Variants in SPNS2 observed in about 807,000 individuals in gnomAD.
SPNS2 encodes sphingosine-1-phosphate transporter SPNS2.
In SPNS2, 37 loss-of-function variants were observed where a neutral mutation model predicts 57.6. That is an observed-to-expected ratio of 0.64 (90% CI 0.49 to 0.85). The LOEUF is 0.85. Ranked by LOEUF, SPNS2 falls within the 40% of genes least tolerant of loss-of-function variation. The pLI is 0.00. For synonymous variants in SPNS2, 440 were observed against 346.9 expected, an observed-to-expected ratio of 1.27 and a Z score of -2.98; for missense variants, 831 against 779.1, an observed-to-expected ratio of 1.07 and a Z score of -0.79.
intron 2 of SPNS2, among the ~76,000 whole-genome samples, chr17:4,515,726 G>A (rs28370529): frequency 0.038 from 5,788 of 152,352 alleles, 118 homozygotes; most frequent in Middle Eastern, 0.051. Flanking sequence ...GGTGGAGGGC[G>A]CCAGCCAGGT....
At chr17:4,536,790 C>CT (rs1334677100) in intron 11 of SPNS2, 110 bp from the exon 12 acceptor site, 18 of 905,076 alleles carry the variant, frequency 2.0e-5, no homozygotes, top group South Asian at 1.2e-4. Context: ...GACGAGGTCC[C>CT]TGCCCAGCAC....
At chr17:4,536,533 A>T (rs747256) in intron 11 of SPNS2, 107 bp downstream of exon 11, 7 of 1,321,630 alleles carry the variant, frequency 5.3e-6, no homozygotes, top group Non-Finnish European at 7.2e-6. Flanking sequence ...CAGACCTCCC[A>T]TGCACTCAGT....
intron 1 of SPNS2, among the ~76,000 whole-genome samples, chr17:4,505,765 A>T (rs2144307199): frequency 6.6e-6 from 1 of 152,248 alleles, no homozygotes; most frequent in East Asian, 1.9e-4. Flanking sequence ...CAAGAATCAA[A>T]CCTGGAACGA....
chr17:4,520,386 GA>G (rs1905108898), intron 2 of SPNS2, among the ~76,000 whole-genome samples: 1 of 152,190 alleles, frequency 6.6e-6, no homozygotes, highest in Non-Finnish European at 1.5e-5. Flanking sequence ...GGAGAGAATG[GA>G]GCATGATGGC....
At chr17:4,503,319 G>A (rs542662589) in intron 1 of SPNS2, among the ~76,000 whole-genome samples, 1 of 152,208 alleles carries the variant, frequency 6.6e-6, no homozygotes, top group Non-Finnish European at 1.5e-5. Context: ...CAGTTTAATT[G>A]AGCCAAGGCA....
chr17:4,520,641 T>C (rs1379263080), intron 2 of SPNS2, among the ~76,000 whole-genome samples: 1 of 152,196 alleles, frequency 6.6e-6, no homozygotes, highest in Non-Finnish European at 1.5e-5. Context: ...GTCTCCTTGC[T>C]GTCCTCAGCA....
chr17:4,516,343 A>C (rs1339907510), intron 2 of SPNS2, among the ~76,000 whole-genome samples: 38 of 134,068 alleles, frequency 2.8e-4, no homozygotes, highest in African/African-American at 7.7e-4. Flanking sequence ...AAAAAAAAAA[A>C]CAAAAAAACC....
rs148088156 is a variant in SPNS2 at position 4,536,436 on chromosome 17, G to GA, written c.1607+10_1607+11insA. 0.11 allele frequency: 174,373 copies of GA among 1,595,956 alleles called. 12,284 individuals carry two copies. The highest frequency in any genetic ancestry group is 0.37 in the East Asian group (16,599 of 44,816). On this transcript the variant is annotated intron_variant, in intron 11 of 12. Coordinates refer to ENST00000329078, the MANE Select transcript of SPNS2 (RefSeq NM_001124758.3). ...CCAGGGCTGAGCAGCAGTGAGTGGG[G>GA]GGGAGGGGAGGCCCTGCTGCACCGC...
rs780762809 is a variant in SPNS2 at position 4,510,281 on chromosome 17, G to A, written c.371-2966G>A. Among the ~76,000 whole-genome samples the A allele has an allele frequency of 5.3e-5, 8 of 152,230 alleles. No individual in the cohort carries two copies. The highest frequency in any genetic ancestry group is 7.3e-5 in the Non-Finnish European group (5 of 68,034). ...AGCTTGGACTTGGACCCAAGACTGG[G>A]CGCTGGGGAGTGGTGGGACGGGAGC... On this transcript the variant is annotated intron_variant, in intron 1 of 12. Coordinates refer to ENST00000329078, the MANE Select transcript of SPNS2 (RefSeq NM_001124758.3). This position sits in a 1 kb window ranked among gnomAD's most constrained non-coding sequence, Gnocchi z 4.4.
chr17:4,525,062 A>T lies in SPNS2; in HGVS notation c.442A>T (p.Ile148Phe). The change falls in exon 3 of 13, where the codon ATC becomes TTC. Residue 148 changes from isoleucine (I) to phenylalanine (F), a missense_variant. Physicochemically the swap from Ile to Phe is conservative, Grantham distance 21. Transcript: ENST00000329078. ...AAGCTCTCCTCTCCCTGCAGTGTTC[A>T]TCTGTAGCTTCATGGTGGCTGCCCC... The part of the protein sequence containing the change: ...RGAGLLQSVF[I>F]CSFMVAAPIF... The T allele has an allele frequency of 6.2e-7, 1 of 1,614,132 alleles. No individual in the cohort carries two copies. Among genetic ancestry groups the T allele is most frequent in the Non-Finnish European group, 8.5e-7 (1 of 1,179,998 alleles).
At chr17:4,522,841 C>T (rs1408257685) in intron 2 of SPNS2, among the ~76,000 whole-genome samples, 8 of 152,364 alleles carry the variant, frequency 5.3e-5, no homozygotes, top group African/African-American at 9.6e-5. Context: ...ACCTCCAAGG[C>T]CCCTCCCATC....
chr17:4,527,645 G>A (rs1905294822), intron 3 of SPNS2, among the ~76,000 whole-genome samples: 1 of 152,194 alleles, frequency 6.6e-6, no homozygotes, highest in Admixed American at 6.5e-5. Context: ...AAGAGACAGG[G>A]CTCAGCTTCT....
At position 4,499,200 on chromosome 17, in the gene SPNS2, G is replaced by A; in HGVS notation, c.153G>A (p.Ser51=). ...GARGAGGAGV[S]AAGDEVQTLS... is the part of the protein sequence containing the mutation. ...GGGGCGCGGGCGGCGCTGGAGTCTC[G>A]GCCGCGGGCGATGAGGTGCAGACGC... is the stretch of plus-strand genomic sequence containing the variant. The change falls in exon 1 of 13, where the codon TCG becomes TCA. Residue 51 remains serine (S), a synonymous_variant. Coordinates refer to ENST00000329078, the MANE Select transcript of SPNS2 (RefSeq NM_001124758.3). The surrounding 1 kb of genome is among the most constrained non-coding windows in gnomAD (Gnocchi z 5.2). 2 of 1,379,250 alleles carry A rather than the reference G, an allele frequency of 1.5e-6. No individual in the cohort carries two copies. The highest frequency in any genetic ancestry group is 1.9e-6 in the Non-Finnish European group (2 of 1,066,714). 85.4% of individuals were successfully genotyped at this position (1,379,250 alleles called of 1,614,324 possible).
At chr17:4,534,175 C>T (rs923201372) in intron 9 of SPNS2, among the ~76,000 whole-genome samples, 2 of 152,162 alleles carry the variant, frequency 1.3e-5, no homozygotes, top group African/African-American at 2.4e-5. Flanking sequence ...CCCTCCTCCC[C>T]CCGCTGGGTC....
chr17:4,535,562 A>C (rs1027679084), intron 9 of SPNS2, among the ~76,000 whole-genome samples: 2 of 152,160 alleles, frequency 1.3e-5, no homozygotes, highest in Admixed American at 1.3e-4. Flanking sequence ...CGCGCTGGAG[A>C]GGCAGCAGCA....
chr17:4,503,981 G>C (rs1279473982), intron 1 of SPNS2, among the ~76,000 whole-genome samples: 1 of 52,926 alleles, frequency 1.9e-5, no homozygotes, highest in Non-Finnish European at 4.4e-5. Flanking sequence ...TCTCCTATTG[G>C]CTTTTTTTTT....
intron 2 of SPNS2, among the ~76,000 whole-genome samples, chr17:4,523,982 G>A (rs1253558692): frequency 1.3e-5 from 2 of 152,128 alleles, no homozygotes; most frequent in Admixed American, 6.5e-5. Context: ...TGCATTGTAG[G>A]TACAAAAAAA....
rs535212104 is a variant in SPNS2, at chr17:4,516,278, C to T, written c.436+2966C>T. 7.0e-5 allele frequency among the ~76,000 whole-genome samples: 10 copies of T among 143,822 alleles called. No homozygotes were observed. The East Asian group carries it at 2.0e-3, about 29-fold the overall frequency. 94.4% of individuals were successfully genotyped at this position (143,822 alleles called of 152,430 possible). A position where few individuals can be genotyped will look rare whatever the true frequency, so the allele number is the denominator to read the frequency against. On this transcript the variant is annotated intron_variant, in intron 2 of 12. Transcript: ENST00000329078. ...GCAGTAAGCCCAGATTGCGCCATTG[C>T]ACTCCAGCCTGGGTGACAGAGTGAG...
At position 4,536,577 on chromosome 17, in the gene SPNS2, C is replaced by A. The variant is rs1047864745; in HGVS notation, c.1607+151C>A. 3.2e-5 allele frequency: 32 copies of A among 1,010,548 alleles called. No individual in the cohort carries two copies. In the Admixed American group the frequency reaches 8.1e-4, roughly 26 times the overall value. 62.6% of individuals were successfully genotyped at this position (1,010,548 alleles called of 1,614,324 possible). A position where few individuals can be genotyped will look rare whatever the true frequency, so the allele number is the denominator to read the frequency against. Reference sequence around the variant, plus strand: ...TGGTTGCTGGGGTCCAGCCCTGAGGCCCAGTGCCAGGGTCAGCCTGGAGCT... The same window carrying A: ...TGGTTGCTGGGGTCCAGCCCTGAGGACCAGTGCCAGGGTCAGCCTGGAGCT... On this transcript the variant is annotated intron_variant, in intron 11 of 12. Coordinates refer to ENST00000329078, the MANE Select transcript of SPNS2 (RefSeq NM_001124758.3).
Sources: allele counts gnomAD v4.1 joint callset (sites outside exome capture counted in the v4.1 genomes callset), GRCh38; gene constraint gnomAD v4.1.1; non-coding constraint Gnocchi (gnomAD v3.1); transcripts MANE v1.5; gene names NCBI Gene and HGNC (gene_info 2026-07-23, HGNC 2026-07-21).